Variants in SPATA17 observed in about 807,000 individuals in gnomAD.
The protein encoded by SPATA17 is spermatogenesis-associated protein 17.
Under a neutral mutation model 62.2 loss-of-function variants are expected in SPATA17, and 53 were observed. The observed-to-expected ratio is 0.85, with a 90% CI of 0.68 to 1.07. SPATA17 has a LOEUF of 1.07. SPATA17 is among the 50% of genes least tolerant of loss of function. SPATA17 has a pLI of 0.00. For missense variants in SPATA17, 466 were observed against 425.5 expected, an observed-to-expected ratio of 1.10 and a Z score of -0.84; for synonymous variants, 146 against 146.8, an observed-to-expected ratio of 0.99 and a Z score of 0.04.
chr1:217,641,398 C>T (rs1442548117), intron 1 of SPATA17, among the ~76,000 whole-genome samples: 2 of 151,764 alleles, frequency 1.3e-5, no homozygotes, highest in Admixed American at 1.3e-4. Context: ...TTGTGACCCA[C>T]AATCAGGAGG....
At chr1:217,713,830 C>G (rs910380997) in intron 5 of SPATA17, among the ~76,000 whole-genome samples, 1 of 152,168 alleles carries the variant, frequency 6.6e-6, no homozygotes, top group Non-Finnish European at 1.5e-5. Context: ...GAATAGTGCT[C>G]TTTCCAATAT....
At chr1:217,675,966 A>C (rs1379935497) in intron 4 of SPATA17, among the ~76,000 whole-genome samples, 2 of 152,136 alleles carry the variant, frequency 1.3e-5, no homozygotes, top group Non-Finnish European at 2.9e-5. Context: ...TCTTAGGGAC[A>C]TTTTATTACT....
intron 5 of SPATA17, among the ~76,000 whole-genome samples, chr1:217,732,556 G>A (rs1366917240): frequency 6.6e-6 from 1 of 152,154 alleles, no homozygotes; most frequent in Non-Finnish European, 1.5e-5. Context: ...TTAGTGGGTT[G>A]ATCCTCCTCC....
At chr1:217,636,606 T>C (rs1669948067) in intron 1 of SPATA17, among the ~76,000 whole-genome samples, 1 of 152,088 alleles carries the variant, frequency 6.6e-6, no homozygotes, top group Non-Finnish European at 1.5e-5. Flanking sequence ...GCATTTTTAG[T>C]GAAGACGAGT....
At chr1:217,778,698 C>A (rs1673656879) in intron 7 of SPATA17, among the ~76,000 whole-genome samples, 1 of 152,132 alleles carries the variant, frequency 6.6e-6, no homozygotes, top group Admixed American at 6.6e-5. Context: ...CCATGAAGGT[C>A]ATCTGAACCA....
At chr1:217,690,482 T>A (rs2102911623) in intron 5 of SPATA17, among the ~76,000 whole-genome samples, 2 of 149,976 alleles carry the variant, frequency 1.3e-5, no homozygotes, top group East Asian at 3.9e-4. Context: ...TATTTTTTTT[T>A]TTTTTAATTA....
intron 5 of SPATA17, among the ~76,000 whole-genome samples, chr1:217,683,601 G>T (rs1671150206): frequency 6.6e-6 from 1 of 151,972 alleles, no homozygotes; most frequent in Non-Finnish European, 1.5e-5. Context: ...ACCACAGCCG[G>T]CTAATTTTTT....
chr1:217,671,988 C>A (rs1253099315), intron 4 of SPATA17, among the ~76,000 whole-genome samples: 1 of 152,108 alleles, frequency 6.6e-6, no homozygotes, highest in Non-Finnish European at 1.5e-5. Context: ...AAGTGATTCC[C>A]CAACAACAAT....
At chr1:217,811,586 A>G (rs1023086317) in intron 9 of SPATA17, among the ~76,000 whole-genome samples, 1 of 151,878 alleles carries the variant, frequency 6.6e-6, no homozygotes, top group Non-Finnish European at 1.5e-5. Flanking sequence ...CCAGCTGCTC[A>G]GGAGGCTGAG....
intron 9 of SPATA17, among the ~76,000 whole-genome samples, chr1:217,819,579 T>G (rs1464609296): frequency 6.6e-6 from 1 of 152,048 alleles, no homozygotes; most frequent in Admixed American, 6.6e-5. Flanking sequence ...CAGTGTTCTC[T>G]GTGCCCCTCA....
intron 5 of SPATA17, among the ~76,000 whole-genome samples, chr1:217,690,365 C>A (rs189373163): frequency 2.0e-5 from 3 of 151,868 alleles, no homozygotes; most frequent in Admixed American, 6.6e-5. Context: ...CTTGCTAATT[C>A]TCTTTCTTTT....
intron 6 of SPATA17, among the ~76,000 whole-genome samples, chr1:217,771,143 G>C (rs1252155506): frequency 1.3e-5 from 2 of 151,536 alleles, no homozygotes; most frequent in Non-Finnish European, 2.9e-5. Context: ...TATTAGCAGA[G>C]TCCTCTCCTG....
At chr1:217,633,741 G>A (rs1214996804) in intron 1 of SPATA17, among the ~76,000 whole-genome samples, 1 of 152,152 alleles carries the variant, frequency 6.6e-6, no homozygotes, top group Admixed American at 6.5e-5. Flanking sequence ...AGTCTCCTTG[G>A]TTTCTTTCAA....
At chr1:217,854,572 A>G (rs1365472939) in intron 9 of SPATA17, among the ~76,000 whole-genome samples, 1 of 152,120 alleles carries the variant, frequency 6.6e-6, no homozygotes, top group Non-Finnish European at 1.5e-5. Flanking sequence ...CTTCTCCCCC[A>G]TAGATAAATC....
At chr1:217,730,287 G>T (rs1471454925) in intron 5 of SPATA17, among the ~76,000 whole-genome samples, 1 of 150,352 alleles carries the variant, frequency 6.7e-6, no homozygotes, top group African/African-American at 2.5e-5. Flanking sequence ...GCGTGATCTC[G>T]GCTCACTGCA....
chr1:217,844,504 G>C lies in SPATA17; in HGVS notation c.1006-18270G>C, dbSNP rs539394712. Among the ~76,000 whole-genome samples the C allele has an allele frequency of 2.3e-4, 35 of 152,128 alleles. 1 individual carries two copies. Among genetic ancestry groups the C allele is most frequent in the Non-Finnish European group, 8.8e-5 (6 of 68,008 alleles). ...ATGAGTGTCCTTCTTTCCTCCTTGT[G>C]GCTGTCTGGAATGGGGTATTTGAGA... is the stretch of plus-strand genomic sequence containing the variant. On this transcript the variant is annotated intron_variant, in intron 9 of 10. Transcript: ENST00000366933.
intron 5 of SPATA17, among the ~76,000 whole-genome samples, chr1:217,741,221 A>T (rs1672618982): frequency 6.6e-6 from 1 of 152,082 alleles, no homozygotes; most frequent in Non-Finnish European, 1.5e-5. Flanking sequence ...AAAATAAAGG[A>T]TTTTTCTCCA....
chr1:217,781,560 G>C (rs1177806793), intron 7 of SPATA17, among the ~76,000 whole-genome samples: 2 of 152,144 alleles, frequency 1.3e-5, no homozygotes, highest in Admixed American at 1.3e-4. Flanking sequence ...CCTCTGCTAA[G>C]TATTTGTGTC....
intron 5 of SPATA17, among the ~76,000 whole-genome samples, chr1:217,701,745 G>T (rs200011559): frequency 6.6e-6 from 1 of 151,880 alleles, no homozygotes; most frequent in Admixed American, 6.6e-5. Context: ...GGCTTTTATT[G>T]GTGCTCGCAT....
Sources: allele counts gnomAD v4.1 joint callset (sites outside exome capture counted in the v4.1 genomes callset), GRCh38; gene constraint gnomAD v4.1.1; transcripts MANE v1.5; gene names NCBI Gene and HGNC (gene_info 2026-07-23, HGNC 2026-07-21).